The following TANGO6 variants were observed in gnomAD, a reference collection of about 807,000 sequenced individuals.
TANGO6 encodes the protein transport and golgi organization 6 homolog.
In TANGO6, 90 loss-of-function variants were observed where a neutral mutation model predicts 114.2. The observed-to-expected ratio is 0.79, with a 90% confidence interval of 0.66 to 0.94. TANGO6 has a LOEUF of 0.94. TANGO6 is among the 40% of genes least tolerant of loss of function. The pLI, the probability that TANGO6 is intolerant of heterozygous loss-of-function variation, is 0.00. For missense variants in TANGO6, 1,274 were observed against 1,315.3 expected, an observed-to-expected ratio of 0.97 and a Z score of 0.49; for synonymous variants, 477 against 509.8, an observed-to-expected ratio of 0.94 and a Z score of 0.87.
chr16:69,065,126 G>A (rs1429650249), intron 17 of TANGO6, among the ~76,000 whole-genome samples: 1 of 152,186 alleles, frequency 6.6e-6, no homozygotes, highest in Non-Finnish European at 1.5e-5. Context: ...TGGGGGTGTA[G>A]GAAAGCTGCC....
chr16:68,964,605 C>T (rs1212863433), intron 14 of TANGO6, among the ~76,000 whole-genome samples: 3 of 139,202 alleles, frequency 2.2e-5, no homozygotes, highest in African/African-American at 8.0e-5. Flanking sequence ...CTCGCTCTGT[C>T]GCCTAGGCTG....
At chr16:68,879,768 C>A (rs9923052) in intron 6 of TANGO6, among the ~76,000 whole-genome samples, 64 of 151,122 alleles carry the variant, frequency 4.2e-4, no homozygotes, top group African/African-American at 1.4e-3. Context: ...AGGTGCCCGT[C>A]ACCACGCCCA....
In TANGO6 at chr16:69,040,767, T is replaced by C. The variant is rs1483910294; in HGVS notation, c.3108+346T>C. On this transcript the variant is annotated intron_variant, in intron 17 of 17. Coordinates refer to ENST00000261778, the MANE Select transcript of TANGO6 (RefSeq NM_024562.2). ...CCTGAACTTCAGTGACTTGCCTTTC[T>C]GACTCATTTGATTGTTCATGCTGAA... 2.0e-5 allele frequency among the ~76,000 whole-genome samples: 3 copies of C among 152,180 alleles called. No individual in the cohort carries two copies. In the East Asian group the frequency reaches 5.8e-4, roughly 29 times the overall value.
chr16:68,966,795 A>G (rs1325959720), intron 14 of TANGO6, among the ~76,000 whole-genome samples: 1 of 138,612 alleles, frequency 7.2e-6, no homozygotes, highest in Non-Finnish European at 1.5e-5. Context: ...TTTTTTTGAG[A>G]CAGTCTCGCT....
chr16:69,032,801 C>T (rs759042004), intron 16 of TANGO6, among the ~76,000 whole-genome samples: 16 of 151,366 alleles, frequency 1.1e-4, no homozygotes, highest in Admixed American at 1.3e-4. Context: ...TGCTTGAACC[C>T]GGAGGCTGAG....
chr16:68,970,134 AG>A (rs1963687946), intron 14 of TANGO6, among the ~76,000 whole-genome samples: 1 of 152,194 alleles, frequency 6.6e-6, no homozygotes, highest in African/African-American at 2.4e-5. Context: ...TCACACCTGG[AG>A]GGGGAGAAAG....
intron 15 of TANGO6, among the ~76,000 whole-genome samples, chr16:68,989,062 C>G (rs1380898896): frequency 1.3e-5 from 2 of 152,104 alleles, no homozygotes; most frequent in African/African-American, 4.8e-5. Context: ...TGGGTTTTCA[C>G]CATGTTGCCC....
At chr16:68,849,967 G>A (rs1475802184) in intron 1 of TANGO6, among the ~76,000 whole-genome samples, 5 of 147,474 alleles carry the variant, frequency 3.4e-5, no homozygotes, top group African/African-American at 5.0e-5. Context: ...TCTTTCTAGC[G>A]GTTCTTTTTT....
chr16:68,845,496 CTTATATA>C (rs904718856), intron 1 of TANGO6, among the ~76,000 whole-genome samples: 2 of 152,078 alleles, frequency 1.3e-5, no homozygotes, highest in East Asian at 1.9e-4. Context: ...TACATGTAGT[CTTATATA>C]TTATATGAAT....
chr16:68,977,713 A>G (rs534916829), intron 15 of TANGO6, among the ~76,000 whole-genome samples: 1 of 150,512 alleles, frequency 6.6e-6, no homozygotes, highest in East Asian at 2.0e-4. Flanking sequence ...AAAAAAAAAA[A>G]GAGATGGAGT....
Position 69,050,057 on chromosome 16 carries a change from T to A in TANGO6, c.3108+9636T>A, listed in dbSNP as rs141489614. Among the ~76,000 whole-genome samples the A allele has an allele frequency of 4.3e-3, 655 of 152,326 alleles. 7 individuals carry two copies. Among genetic ancestry groups the A allele is most frequent in the African/African-American group, 0.015 (626 of 41,590 alleles). The stretch of plus-strand genomic sequence containing the variant: ...ATGAACATTTGTGTAGAAGTTTTTG[T>A]GTAAATATATGTTTTCATTTCTCTT... On this transcript the variant is annotated intron_variant, in intron 17 of 17. Coordinates refer to ENST00000261778, the MANE Select transcript of TANGO6 (RefSeq NM_024562.2).
In TANGO6 at chr16:68,974,161, G is replaced by A. The variant is rs755901950; in HGVS notation, c.2835G>A (p.Arg945=). Reference sequence around the variant, plus strand: ...GGGAAGTCCTTATGCGAATCGTCAGGGCATTAGGTGAGTTTTCTTGTTCCA... The same window carrying A: ...GGGAAGTCCTTATGCGAATCGTCAGAGCATTAGGTGAGTTTTCTTGTTCCA... The part of the protein sequence containing the change: ...KVGEVLMRIV[R]ALGDMVSKYR... Residue 945 remains arginine (R), a synonymous_variant, in exon 15 of 18, where the codon AGG becomes AGA. Transcript: ENST00000261778. The A allele has an allele frequency of 1.9e-6, 3 of 1,613,928 alleles. No homozygotes were observed. The highest frequency in any genetic ancestry group is 2.5e-6 in the Non-Finnish European group (3 of 1,179,878).
intron 14 of TANGO6, among the ~76,000 whole-genome samples, chr16:68,945,720 C>CTGCT (rs1963407731): frequency 6.6e-6 from 1 of 151,602 alleles, no homozygotes; most frequent in African/African-American, 2.4e-5. Flanking sequence ...GAGTCTCACT[C>CTGCT]TGCTGCCCAG....
rs566356546 is a variant in TANGO6 at position 68,937,303 on chromosome 16, C to T, written c.2701+7008C>T. On this transcript the variant is annotated intron_variant, in intron 14 of 17. Coordinates refer to ENST00000261778, the MANE Select transcript of TANGO6 (RefSeq NM_024562.2). ...CTGTACCACTTACTTAACAAATAAGCATTTAGAGAATGTCTCTCATATATG... is the reference window on the plus strand; with the variant it reads ...CTGTACCACTTACTTAACAAATAAGTATTTAGAGAATGTCTCTCATATATG... The T allele has an allele frequency of 4.6e-5, 7 of 152,306 alleles. No homozygotes were observed. The East Asian group carries it at 1.3e-3, about 29-fold the overall frequency. The allele number at this position is 152,306 out of a possible 1,614,324, so 9.4% of individuals were successfully genotyped here.
At chr16:68,953,506 A>T (rs1480731318) in intron 14 of TANGO6, among the ~76,000 whole-genome samples, 1 of 152,218 alleles carries the variant, frequency 6.6e-6, no homozygotes, top group Non-Finnish European at 1.5e-5. Context: ...ATACAAAATC[A>T]CACAAATGTA....
At chr16:68,852,267 A>G (rs1415787898) in intron 1 of TANGO6, among the ~76,000 whole-genome samples, 1 of 152,208 alleles carries the variant, frequency 6.6e-6, no homozygotes, top group African/African-American at 2.4e-5. Context: ...ATAGTATGTT[A>G]GATAGAATTA....
chr16:69,059,128 G>A (rs898365166), intron 17 of TANGO6, among the ~76,000 whole-genome samples: 1 of 150,322 alleles, frequency 6.7e-6, no homozygotes, highest in Non-Finnish European at 1.5e-5. Context: ...AGGCTGGAGT[G>A]CATTGGCGCT....
intron 14 of TANGO6, among the ~76,000 whole-genome samples, chr16:68,960,718 C>G (rs1326588575): frequency 2.0e-5 from 3 of 152,112 alleles, no homozygotes; most frequent in African/African-American, 7.2e-5. Flanking sequence ...CCAGGCTAGT[C>G]AAACTCCTGG....
intron 3 of TANGO6, among the ~76,000 whole-genome samples, chr16:68,865,275 CAAAAA>C (rs60365346): frequency 1.4e-5 from 1 of 70,238 alleles, no homozygotes; most frequent in African/African-American, 4.8e-5. Context: ...GACTCCGTCT[CAAAAA>C]AAAAAAAAAA....
Sources: gnomAD v4.1 joint callset for allele counts (sites outside exome capture counted in the v4.1 genomes callset) on GRCh38, gnomAD v4.1.1 for gene constraint, MANE v1.5 for transcripts, NCBI Gene and HGNC (gene_info 2026-07-23, HGNC 2026-07-21) for gene names.